Variants in SIDT1 observed in about 807,000 individuals in gnomAD.
SIDT1 encodes the protein SID1 transmembrane family member 1.
Under a neutral mutation model 107.5 loss-of-function variants are expected in SIDT1, and 101 were observed. That is an observed-to-expected ratio of 0.94 (90% CI 0.80 to 1.11). The LOEUF is 1.11. Ranked by LOEUF, SIDT1 falls within the 50% of genes least tolerant of loss-of-function variation. SIDT1 has a pLI of 0.00. For synonymous variants in SIDT1, 395 were observed against 398.2 expected (o/e 0.99, Z 0.10); for missense variants, 1,076 against 1,058.2 (o/e 1.02, Z -0.23).
Position 113,580,719 on chromosome 3 carries a change from G to A in SIDT1, c.663+10G>A. ...AGTCCAGAATATCATGGTGAGTGCT[G>A]ATAACTTGCCAACCTTCTACTATAG... On this transcript the variant is annotated intron_variant, in intron 5 of 24. Coordinates refer to ENST00000264852, the MANE Select transcript of SIDT1 (RefSeq NM_017699.3). The A allele has an allele frequency of 1.3e-6, 2 of 1,551,390 alleles. No individual in the cohort carries two copies. The highest frequency in any genetic ancestry group is 1.8e-6 in the Non-Finnish European group (2 of 1,123,338).
intron 2 of SIDT1, 111 bp from the exon 3 acceptor site, chr3:113,567,429 C>A: frequency 1.2e-6 from 1 of 842,660 alleles, no homozygotes; most frequent in Non-Finnish European, 1.9e-6. Context: ...ACATAAGGAC[C>A]TGAAAATGAA....
chr3:113,577,222 C>A (rs80038255), intron 4 of SIDT1, among the ~76,000 whole-genome samples: 1 of 152,152 alleles, frequency 6.6e-6, no homozygotes, highest in Admixed American at 6.5e-5. Flanking sequence ...TCAATCCTCA[C>A]TGAGAAAATC....
At position 113,596,367 on chromosome 3, in the gene SIDT1, A is replaced by G. The variant is rs189157698; in HGVS notation, c.1045+3319A>G. 3.9e-3 allele frequency among the ~76,000 whole-genome samples: 600 copies of G among 152,352 alleles called. 4 individuals are homozygous for G. Among genetic ancestry groups the G allele is most frequent in the African/African-American group, 0.013 (553 of 41,576 alleles). On this transcript the variant is annotated intron_variant, in intron 10 of 24. Transcript: ENST00000264852. ...TACTCTGCATTTGTTTTTCTTTGAT[A>G]TGCCTGAAGTGATTTAATTAAGCTG...
intron 10 of SIDT1, among the ~76,000 whole-genome samples, chr3:113,598,200 C>A (rs1944711355): frequency 6.6e-6 from 1 of 152,190 alleles, no homozygotes; most frequent in Admixed American, 6.5e-5. Context: ...CCAGATCATG[C>A]TCAGTGATGA....
intron 5 of SIDT1, among the ~76,000 whole-genome samples, chr3:113,581,114 A>G (rs186349936): frequency 6.6e-6 from 1 of 152,222 alleles, no homozygotes; most frequent in Non-Finnish European, 1.5e-5. Context: ...AAAAAGTGTT[A>G]TACACTTTAA....
intron 1 of SIDT1, among the ~76,000 whole-genome samples, chr3:113,565,414 C>A (rs562420012): frequency 2.0e-5 from 3 of 152,116 alleles, no homozygotes; most frequent in Non-Finnish European, 4.4e-5. Flanking sequence ...CACCTGTAAT[C>A]CCAGCTACTT....
chr3:113,567,853 C>A, intron 3 of SIDT1, 143 bp downstream of exon 3: 2 of 795,236 alleles, frequency 2.5e-6, no homozygotes, highest in Middle Eastern at 3.8e-4. Context: ...ACTCTCCTGC[C>A]CATAACTGAG....
intron 4 of SIDT1, 46 bp downstream of exon 4, chr3:113,577,013 G>A: frequency 6.4e-7 from 1 of 1,569,882 alleles, no homozygotes; most frequent in African/African-American, 1.4e-5. Context: ...ACCTGTTGGT[G>A]TTGCCTGCCT....
At chr3:113,577,794 T>C (rs1204499783) in intron 4 of SIDT1, among the ~76,000 whole-genome samples, 1 of 152,238 alleles carries the variant, frequency 6.6e-6, no homozygotes. Flanking sequence ...CATGGACTTG[T>C]TGTAAATATA....
At chr3:113,616,036 C>T in intron 19 of SIDT1, 64 bp from the exon 20 acceptor site, 1 of 1,132,172 alleles carries the variant, frequency 8.8e-7, no homozygotes, top group South Asian at 1.2e-5. Context: ...AACCTTGGGC[C>T]ACTTCAGAGT....
rs148364929 is a variant in SIDT1 at position 113,550,058 on chromosome 3, G to A, written c.223-16362G>A. ...ATGTTCACAATTATACTTTGCCTTG[G>A]TGCAAAGACTTGGAAGCAGCCCCAC... On this transcript the variant is annotated intron_variant, in intron 1 of 24. Coordinates refer to ENST00000264852, the MANE Select transcript of SIDT1 (RefSeq NM_017699.3). 5.5e-3 allele frequency among the ~76,000 whole-genome samples: 844 copies of A among 152,156 alleles called. 8 individuals are homozygous for A. The highest frequency in any genetic ancestry group is 0.02 in the African/African-American group (815 of 41,506).
Position 113,532,948 on chromosome 3 carries a change from T to C in SIDT1, c.-74T>C, listed in dbSNP as rs1464161552. ...GCGGACGCCTGGCCCTGCACCGGGC[T>C]TTGGAAGGACCCTCTCTGCGCTCGC... On this transcript the variant is annotated 5_prime_UTR_variant, in exon 1 of 25. Transcript: ENST00000264852. 1 of 1,082,770 alleles carries C rather than the reference T, an allele frequency of 9.2e-7. No individual in the cohort carries two copies. Among genetic ancestry groups the C allele is most frequent in the African/African-American group, 1.7e-5 (1 of 59,952 alleles). The allele number at this position is 1,082,770 out of a possible 1,614,324, so 67.1% of individuals were successfully genotyped here.
chr3:113,605,122 C>CACTTTTTTT, intron 14 of SIDT1, 146 bp downstream of exon 14: 1 of 306,988 alleles, frequency 3.3e-6, no homozygotes, highest in East Asian at 5.2e-5. Flanking sequence ...CTATTGCTTC[C>CACTTTTTTT]TCTTTTTTTT....
intron 9 of SIDT1, among the ~76,000 whole-genome samples, chr3:113,587,801 T>C (rs1376950277): frequency 2.6e-5 from 4 of 152,174 alleles, no homozygotes; most frequent in African/African-American, 9.7e-5. Context: ...GCAGTCTGGA[T>C]CCAGAGCCTT....
downstream of SIDT1, among the ~76,000 whole-genome samples, chr3:113,630,586 G>A (rs964430313): frequency 5.9e-5 from 9 of 152,170 alleles, no homozygotes; most frequent in Admixed American, 2.0e-4. Context: ...ATGGGTGATA[G>A]TCTCTATCCA....
At chr3:113,558,520 AC>A (rs1225159726) in intron 1 of SIDT1, among the ~76,000 whole-genome samples, 1 of 152,222 alleles carries the variant, frequency 6.6e-6, no homozygotes, top group East Asian at 1.9e-4. Flanking sequence ...CAGAAAGCAA[AC>A]AATGTCTCCT....
chr3:113,594,145 C>A (rs974666280), intron 10 of SIDT1, among the ~76,000 whole-genome samples: 8 of 152,156 alleles, frequency 5.3e-5, no homozygotes, highest in South Asian at 2.1e-4. Flanking sequence ...CCCCCTACCC[C>A]CCTCCAGCAG....
intron 20 of SIDT1, among the ~76,000 whole-genome samples, chr3:113,617,647 A>G (rs899504788): frequency 6.6e-6 from 1 of 152,260 alleles, no homozygotes; most frequent in Non-Finnish European, 1.5e-5. Context: ...AAAGTCCATC[A>G]GGACTTGTGA....
chr3:113,548,976 G>A (rs1939906928), intron 1 of SIDT1, among the ~76,000 whole-genome samples: 1 of 152,152 alleles, frequency 6.6e-6, no homozygotes, highest in Admixed American at 6.5e-5. Context: ...AGGACCCTAA[G>A]AAGGCAGAAG....
Sources: allele counts gnomAD v4.1 joint callset (sites outside exome capture counted in the v4.1 genomes callset), GRCh38; gene constraint gnomAD v4.1.1; transcripts MANE v1.5; gene names NCBI Gene and HGNC (gene_info 2026-07-23, HGNC 2026-07-21).